Variants in SLC8A3 observed in about 807,000 individuals in gnomAD.
SLC8A3 encodes sodium/calcium exchanger 3.
In SLC8A3, 37 loss-of-function variants were observed where a neutral mutation model predicts 65.4. The ratio of observed to expected loss-of-function variants is 0.57; its 90% confidence interval spans 0.44 to 0.74. The LOEUF (loss-of-function observed/expected upper bound fraction) is 0.74. Among genes scored for constraint, SLC8A3 ranks in the 30% least tolerant of loss-of-function variants. The probability of loss-of-function intolerance (pLI) is 0.00; values close to 1 mark genes in which losing one functional copy is unlikely to be tolerated. For synonymous variants in SLC8A3, 461 were observed against 444.5 expected (o/e 1.04, Z -0.47); for missense variants, 1,112 against 1,172.1 (o/e 0.95, Z 0.75).
intron 1 of SLC8A3, among the ~76,000 whole-genome samples, chr14:70,182,151 C>A (rs1472481958): frequency 6.6e-6 from 1 of 152,016 alleles, no homozygotes; most frequent in Non-Finnish European, 1.5e-5. Flanking sequence ...AGGTTTCGAG[C>A]CAGGGTGACT....
rs781444044 is a variant in SLC8A3, at chr14:70,167,243, A to G, written c.1180T>C (p.Phe394Leu). 3.1e-6 allele frequency: 5 copies of G among 1,614,072 alleles called. No individual in the cohort carries two copies. In the East Asian group the frequency reaches 1.1e-4, roughly 36 times the overall value. The change falls in exon 2 of 7, where the codon TTT becomes CTT. Residue 394 changes from phenylalanine to leucine, a missense_variant. Phe to Leu is a conservative substitution (Grantham distance 22). Transcript: ENST00000356921. ...SEVHTDEPED[F>L]ISKVFFDPCS... ...GGGTCAAAGAAGACCTTGGAAATAA[A>G]GTCCTCAGGCTCATCGGTGTGCACC...
At chr14:70,075,938 G>A (rs934583515) in intron 2 of SLC8A3, among the ~76,000 whole-genome samples, 11 of 152,154 alleles carry the variant, frequency 7.2e-5, no homozygotes, top group Non-Finnish European at 1.5e-5. Flanking sequence ...GGTGGGGCCT[G>A]AGAATTTGCA....
At chr14:70,129,795 G>T (rs1265428423) in intron 2 of SLC8A3, among the ~76,000 whole-genome samples, 1 of 152,218 alleles carries the variant, frequency 6.6e-6, no homozygotes. Context: ...AAGAGGCAGA[G>T]AAAGGAGGGC....
chr14:70,054,198 G>A (rs1250519779), intron 3 of SLC8A3, among the ~76,000 whole-genome samples: 3 of 151,956 alleles, frequency 2.0e-5, no homozygotes. Flanking sequence ...ATAGGATGTT[G>A]TGAACACTCT....
intron 2 of SLC8A3, among the ~76,000 whole-genome samples, chr14:70,115,919 G>T (rs978439033): frequency 3.3e-5 from 5 of 152,172 alleles, no homozygotes; most frequent in Non-Finnish European, 7.3e-5. Context: ...AAGGGAAGAA[G>T]CGGAGGTCCT....
At chr14:70,177,510 C>A (rs72625687) in intron 1 of SLC8A3, among the ~76,000 whole-genome samples, 5,609 of 152,278 alleles carry the variant, frequency 0.037, 280 homozygotes, top group East Asian at 0.27. Context: ...CTGGGGCCAG[C>A]TGCATGAACC....
chr14:70,048,068 G>T (rs1186427533), intron 6 of SLC8A3: 1 of 154,524 alleles, frequency 6.5e-6, no homozygotes, highest in Non-Finnish European at 1.4e-5. Flanking sequence ...CATAATAGGT[G>T]CTCAGTAAAT....
At chr14:70,115,429 G>A (rs866800680) in intron 2 of SLC8A3, among the ~76,000 whole-genome samples, 2 of 152,190 alleles carry the variant, frequency 1.3e-5, no homozygotes, top group South Asian at 4.1e-4. Context: ...CAAATTCTTT[G>A]CTTTGACTCC....
chr14:70,097,226 A>C (rs1255162961), intron 2 of SLC8A3, among the ~76,000 whole-genome samples: 1 of 152,056 alleles, frequency 6.6e-6, no homozygotes, highest in Non-Finnish European at 1.5e-5. Context: ...AATTTGTGAA[A>C]ATCTTGATCG....
In SLC8A3 at chr14:70,066,760, G is replaced by T. The variant is rs192278571; in HGVS notation, c.1785-5821C>A. Reference sequence around the variant, plus strand: ...CAAGAGGCGGAGGTTGCAGTGAGCCGAGATTGTGCCATTGCACTCCAGCCT... The same window carrying T: ...CAAGAGGCGGAGGTTGCAGTGAGCCTAGATTGTGCCATTGCACTCCAGCCT... On this transcript the variant is annotated intron_variant, in intron 2 of 6. Coordinates refer to ENST00000356921, the MANE Select transcript of SLC8A3 (RefSeq NM_182932.3). Among the ~76,000 whole-genome samples, 372 of 152,262 alleles carry T rather than the reference G, an allele frequency of 2.4e-3. 1 individual carries two copies. The highest frequency in any genetic ancestry group is 5.2e-3 in the Admixed American group (79 of 15,292).
At chr14:70,103,393 T>C (rs1892658183) in intron 2 of SLC8A3, among the ~76,000 whole-genome samples, 1 of 152,084 alleles carries the variant, frequency 6.6e-6, no homozygotes, top group South Asian at 2.1e-4. Flanking sequence ...TAAAATGTTA[T>C]ATGTATTTTT....
intron 1 of SLC8A3, among the ~76,000 whole-genome samples, 161 bp from the exon 2 acceptor site, chr14:70,168,645 A>C (rs1400053800): frequency 2.6e-5 from 4 of 152,208 alleles, no homozygotes; most frequent in Non-Finnish European, 5.9e-5. Context: ...GGAGGCACAA[A>C]TAGCTGCTCT....
chr14:70,163,319 T>G (rs897245599), intron 2 of SLC8A3, among the ~76,000 whole-genome samples: 11 of 152,228 alleles, frequency 7.2e-5, no homozygotes, highest in East Asian at 5.8e-4. Flanking sequence ...GCTTTCATAT[T>G]CCAAAGCTCG....
At chr14:70,086,401 CTTTTT>C (rs10605312) in intron 2 of SLC8A3, among the ~76,000 whole-genome samples, 8 of 116,158 alleles carry the variant, frequency 6.9e-5, no homozygotes, top group South Asian at 3.0e-4. Flanking sequence ...TTTCTTTTTT[CTTTTT>C]TTTTTTTTTT....
At chr14:70,066,755 G>T (rs996615201) in intron 2 of SLC8A3, among the ~76,000 whole-genome samples, 15 of 152,186 alleles carry the variant, frequency 9.9e-5, no homozygotes, top group African/African-American at 3.6e-4. Flanking sequence ...AGGTTGCAGT[G>T]AGCCGAGATT....
chr14:70,097,138 G>C (rs538472011), intron 2 of SLC8A3, among the ~76,000 whole-genome samples: 10 of 152,110 alleles, frequency 6.6e-5, no homozygotes, highest in Non-Finnish European at 1.3e-4. Context: ...GGGGACCATG[G>C]GCTCAAGGGA....
At chr14:70,147,996 C>T (rs1048256405) in intron 2 of SLC8A3, among the ~76,000 whole-genome samples, 6 of 152,122 alleles carry the variant, frequency 3.9e-5, no homozygotes, top group South Asian at 2.1e-4. Context: ...CAGGATGGTT[C>T]GACCGACAAT....
In SLC8A3 at chr14:70,048,404, G is replaced by T. The variant is rs1566729226; in HGVS notation, c.2389+363C>A. The T allele has an allele frequency of 5.3e-6, 3 of 566,176 alleles. No homozygotes were observed. The South Asian group carries it at 7.1e-5, about 13-fold the overall frequency. 35.1% of individuals were successfully genotyped at this position (566,176 alleles called of 1,614,324 possible). ...TCTACTCACATAATGTGGAGGTTAAGAAATTGGACCACTTACTTGGGCATG... is the reference window on the plus strand; with the variant it reads ...TCTACTCACATAATGTGGAGGTTAATAAATTGGACCACTTACTTGGGCATG... On this transcript the variant is annotated intron_variant, in intron 6 of 6. Coordinates refer to ENST00000356921, the MANE Select transcript of SLC8A3 (RefSeq NM_182932.3).
At chr14:70,154,315 T>C (rs1183250635) in intron 2 of SLC8A3, among the ~76,000 whole-genome samples, 2 of 152,192 alleles carry the variant, frequency 1.3e-5, no homozygotes, top group Non-Finnish European at 2.9e-5. Context: ...ATTAAAGAAA[T>C]GCATGCTCAT....
Sources: gnomAD v4.1 joint callset for allele counts (sites outside exome capture counted in the v4.1 genomes callset) on GRCh38, gnomAD v4.1.1 for gene constraint, MANE v1.5 for transcripts, NCBI Gene and HGNC (gene_info 2026-07-23, HGNC 2026-07-21) for gene names.